The following NRXN3 variants were observed in gnomAD, a reference collection of about 807,000 sequenced individuals.
NRXN3 encodes neurexin III.
Under a neutral mutation model 137.6 loss-of-function variants are expected in NRXN3, and 32 were observed. The observed-to-expected ratio is 0.23, with a 90% CI of 0.18 to 0.31. NRXN3 has a LOEUF of 0.31. Among genes scored for constraint, NRXN3 ranks in the 10% least tolerant of loss-of-function variants. The pLI is 1.00. For missense variants in NRXN3, 1,574 were observed against 2,062.5 expected (o/e 0.76, Z 4.59); for synonymous variants, 798 against 784.5 (o/e 1.02, Z -0.29).
chr14:78,400,503 C>A (rs188277136), intron 4 of NRXN3, among the ~76,000 whole-genome samples: 312 of 152,224 alleles, frequency 2.0e-3, no homozygotes, highest in Middle Eastern at 0.014. Context: ...CATCGGATTG[C>A]GGATATTTCT....
Position 79,667,747 on chromosome 14 carries a change from T to C in NRXN3, c.3616+3798T>C, listed in dbSNP as rs1433521137. On this transcript the variant is annotated intron_variant, in intron 17 of 20. Transcript: ENST00000335750. ...CATCCAGGCACTGACAAATGTTCCT[T>C]ATAAAGTCTCTGATTGTTGTCCCTA... 2.0e-5 allele frequency among the ~76,000 whole-genome samples: 3 copies of C among 151,940 alleles called. No individual in the cohort carries two copies. In the East Asian group the frequency reaches 5.8e-4, roughly 29 times the overall value.
chr14:78,813,411 C>T (rs1463725953), intron 10 of NRXN3, among the ~76,000 whole-genome samples: 2 of 152,140 alleles, frequency 1.3e-5, no homozygotes, highest in African/African-American at 2.4e-5. Context: ...AGAGTATTTG[C>T]ACCCTGGGTT....
At chr14:78,770,980 C>T (rs757460648) in intron 8 of NRXN3, among the ~76,000 whole-genome samples, 1 of 152,206 alleles carries the variant, frequency 6.6e-6, no homozygotes, top group Non-Finnish European at 1.5e-5. Context: ...CAGAACAATG[C>T]AGTTTCCCAG....
At chr14:78,977,291 A>G (rs2099471046) in intron 14 of NRXN3, among the ~76,000 whole-genome samples, 1 of 152,216 alleles carries the variant, frequency 6.6e-6, no homozygotes, top group African/African-American at 2.4e-5. Context: ...GATGGTTTTC[A>G]TATCAACACC....
At chr14:78,277,636 T>C (rs2073796595) in intron 2 of NRXN3, among the ~76,000 whole-genome samples, 1 of 152,180 alleles carries the variant, frequency 6.6e-6, no homozygotes, top group Non-Finnish European at 1.5e-5. Flanking sequence ...GCCAGGTTGG[T>C]CATTGTTTCC....
intron 8 of NRXN3, among the ~76,000 whole-genome samples, chr14:78,732,220 C>T (rs1403756637): frequency 6.6e-6 from 1 of 152,176 alleles, no homozygotes; most frequent in Admixed American, 6.5e-5. Flanking sequence ...TGTCCACATC[C>T]TCTGCATCAA....
At chr14:79,727,825 T>C (rs1025450611) in intron 19 of NRXN3, among the ~76,000 whole-genome samples, 1 of 152,170 alleles carries the variant, frequency 6.6e-6, no homozygotes, top group Non-Finnish European at 1.5e-5. Context: ...TGGACTTTTT[T>C]CCCCTTTTTA....
At chr14:78,247,402 C>T (rs59812746) in intron 2 of NRXN3, among the ~76,000 whole-genome samples, 3,253 of 152,228 alleles carry the variant, frequency 0.021, 111 homozygotes, top group African/African-American at 0.072. Context: ...GCTCTGGCCG[C>T]GGACTGAATT....
intron 10 of NRXN3, among the ~76,000 whole-genome samples, chr14:78,853,217 C>A (rs2099047732): frequency 6.6e-6 from 1 of 152,174 alleles, no homozygotes; most frequent in African/African-American, 2.4e-5. Context: ...TCCCTCACCT[C>A]TTCCCCTACC....
At chr14:78,829,337 C>G (rs1003036508) in intron 10 of NRXN3, among the ~76,000 whole-genome samples, 4 of 152,120 alleles carry the variant, frequency 2.6e-5, no homozygotes, top group African/African-American at 9.7e-5. Context: ...AAACTGGAAG[C>G]AAGCCAGTGT....
At chr14:78,613,697 AC>A (rs1215643880) in intron 4 of NRXN3, among the ~76,000 whole-genome samples, 5 of 151,344 alleles carry the variant, frequency 3.3e-5, no homozygotes, top group African/African-American at 1.2e-4. Context: ...TTGGTGGAGA[AC>A]TTTGGAAGTT....
chr14:79,758,843 C>G (rs2099028884), intron 19 of NRXN3, among the ~76,000 whole-genome samples: 1 of 152,160 alleles, frequency 6.6e-6, no homozygotes, highest in African/African-American at 2.4e-5. Context: ...TTTTACCTCT[C>G]AAGGTTTGGT....
intron 15 of NRXN3, among the ~76,000 whole-genome samples, chr14:79,394,170 T>A (rs2094944116): frequency 6.6e-6 from 1 of 152,184 alleles, no homozygotes; most frequent in African/African-American, 2.4e-5. Context: ...AAAGGTATAA[T>A]CATTTGTGTT....
At chr14:78,256,414 G>A (rs1485224420) in intron 2 of NRXN3, among the ~76,000 whole-genome samples, 1 of 152,262 alleles carries the variant, frequency 6.6e-6, no homozygotes, top group Non-Finnish European at 1.5e-5. Context: ...GGCAAGCTCT[G>A]TTCCCAAAAG....
chr14:79,450,978 T>A (rs1600492799), intron 15 of NRXN3, among the ~76,000 whole-genome samples: 1 of 152,152 alleles, frequency 6.6e-6, no homozygotes, highest in South Asian at 2.1e-4. Context: ...CAGCAGACTG[T>A]AATTAGGAGA....
chr14:78,266,016 T>C lies in NRXN3; in HGVS notation c.710-12629T>C, dbSNP rs1596531598. Among the ~76,000 whole-genome samples the C allele has an allele frequency of 3.3e-5, 5 of 152,282 alleles. No homozygotes were observed. In the South Asian group the frequency reaches 1.0e-3, roughly 32 times the overall value. ...GTGAAAAGAATATATGTCAATGAAA[T>C]GAACCTGTACAATGAAAGGAATGGA... On this transcript the variant is annotated intron_variant, in intron 2 of 20. Coordinates refer to ENST00000335750, the MANE Select transcript of NRXN3 (RefSeq NM_001330195.2).
intron 4 of NRXN3, among the ~76,000 whole-genome samples, chr14:78,328,776 A>G (rs2080423949): frequency 6.6e-6 from 1 of 152,208 alleles, no homozygotes; most frequent in African/African-American, 2.4e-5. Context: ...AAAGAAGGAA[A>G]GGCTTTGAGA....
At chr14:79,232,261 C>T (rs982929817) in intron 15 of NRXN3, among the ~76,000 whole-genome samples, 2 of 151,114 alleles carry the variant, frequency 1.3e-5, no homozygotes, top group African/African-American at 4.9e-5. Context: ...TGCGCGCGCA[C>T]GTGTGTGTGT....
At chr14:79,254,975 G>C (rs1430070115) in intron 15 of NRXN3, among the ~76,000 whole-genome samples, 1 of 151,752 alleles carries the variant, frequency 6.6e-6, no homozygotes, top group African/African-American at 2.4e-5. Context: ...TGCTTGGCAA[G>C]TTTGCGCTAA....
Sources: allele counts gnomAD v4.1 joint callset (sites outside exome capture counted in the v4.1 genomes callset), GRCh38; gene constraint gnomAD v4.1.1; transcripts MANE v1.5; gene names NCBI Gene and HGNC (gene_info 2026-07-23, HGNC 2026-07-21).